FYTTD1: variants seen among roughly 807,000 people sequenced by gnomAD.
The protein encoded by FYTTD1 is UAP56-interacting factor.
In FYTTD1, 22 loss-of-function variants were observed where a neutral mutation model predicts 40.9. The ratio of observed to expected loss-of-function variants is 0.54; its 90% CI spans 0.38 to 0.77. The LOEUF is 0.77. Ranked by LOEUF, FYTTD1 falls within the 30% of genes least tolerant of loss-of-function variation. FYTTD1 has a pLI of 0.00. For missense variants in FYTTD1, 351 were observed against 392.2 expected, an observed-to-expected ratio of 0.90 and a Z score of 0.89; for synonymous variants, 140 against 137.9, an observed-to-expected ratio of 1.01 and a Z score of -0.10.
intron 2 of FYTTD1, among the ~76,000 whole-genome samples, chr3:197,758,102 C>T (rs1453261409): frequency 6.6e-6 from 1 of 152,020 alleles, no homozygotes; most frequent in Non-Finnish European, 1.5e-5. Context: ...AGGGTTTCTC[C>T]ACGTTGGTCA....
At chr3:197,777,708 T>C (rs1250608072) in intron 7 of FYTTD1, among the ~76,000 whole-genome samples, 3 of 152,108 alleles carry the variant, frequency 2.0e-5, no homozygotes, top group Non-Finnish European at 4.4e-5. Flanking sequence ...TTATGTTCTA[T>C]TCAACCATCT....
At chr3:197,756,702 T>TAAACA in intron 2 of FYTTD1, 145 bp downstream of exon 2, 1 of 722,954 alleles carries the variant, frequency 1.4e-6, no homozygotes, top group Non-Finnish European at 2.4e-6. Flanking sequence ...TGTTTAGATC[T>TAAACA]AAAACCTGGT....
intron 8 of FYTTD1, among the ~76,000 whole-genome samples, chr3:197,780,441 A>G (rs541668711): frequency 5.3e-5 from 8 of 152,328 alleles, no homozygotes; most frequent in African/African-American, 1.9e-4. Flanking sequence ...CTCCAGTCCA[A>G]TGTTGAGTAG....
At chr3:197,771,650 G>A (rs932354877) in intron 4 of FYTTD1, among the ~76,000 whole-genome samples, 4 of 151,424 alleles carry the variant, frequency 2.6e-5, no homozygotes, top group Admixed American at 6.6e-5. Context: ...GGTGGCGGGC[G>A]CCTGTAGTCC....
chr3:197,756,960 T>A (rs1261937841), intron 2 of FYTTD1, among the ~76,000 whole-genome samples: 2 of 152,238 alleles, frequency 1.3e-5, no homozygotes, highest in Non-Finnish European at 2.9e-5. Context: ...CATGAGCCAC[T>A]GTGCCTGGCC....
At chr3:197,767,441 A>AT (rs35419113) in intron 2 of FYTTD1, among the ~76,000 whole-genome samples, 23,098 of 145,006 alleles carry the variant, frequency 0.16, 1,905 homozygotes, top group South Asian at 0.2. Flanking sequence ...CCTGGCTGCT[A>AT]TTTTTTTTTT....
At chr3:197,752,624 C>T (rs1047627543) in intron 1 of FYTTD1, among the ~76,000 whole-genome samples, 1 of 151,128 alleles carries the variant, frequency 6.6e-6, no homozygotes. Context: ...ATGTCTATGG[C>T]TTGGTTATTT....
chr3:197,753,884 C>T (rs1483867773), intron 1 of FYTTD1, among the ~76,000 whole-genome samples: 1 of 152,110 alleles, frequency 6.6e-6, no homozygotes, highest in African/African-American at 2.4e-5. Context: ...GGACTACAGG[C>T]GCCCACCGCC....
At chr3:197,780,858 T>A (rs933451773) in intron 8 of FYTTD1, among the ~76,000 whole-genome samples, 1 of 151,930 alleles carries the variant, frequency 6.6e-6, no homozygotes, top group African/African-American at 2.4e-5. Context: ...TCTTTTTTTT[T>A]ATTTTTTATT....
intron 8 of FYTTD1, among the ~76,000 whole-genome samples, chr3:197,779,397 G>A (rs1279025344): frequency 1.3e-5 from 2 of 150,876 alleles, no homozygotes; most frequent in Non-Finnish European, 2.9e-5. Context: ...CTGGGCAACA[G>A]AGCAATACTA....
At chr3:197,763,350 G>C (rs560698088) in intron 2 of FYTTD1, 1 of 260,360 alleles carries the variant, frequency 3.8e-6, no homozygotes, top group Non-Finnish European at 7.7e-6. Flanking sequence ...GGAGGCGGAG[G>C]TTGCGGTGAG....
At chr3:197,771,592 A>T (rs967869290) in intron 4 of FYTTD1, among the ~76,000 whole-genome samples, 5 of 151,224 alleles carry the variant, frequency 3.3e-5, no homozygotes, top group Non-Finnish European at 7.4e-5. Context: ...CCGGCTAAAA[A>T]CGGTGAAACC....
At chr3:197,757,235 C>A (rs1406717901) in intron 2 of FYTTD1, among the ~76,000 whole-genome samples, 1 of 152,160 alleles carries the variant, frequency 6.6e-6, no homozygotes, top group Non-Finnish European at 1.5e-5. Context: ...TTATTTATAA[C>A]CATCTTGATT....
chr3:197,750,408 G>T (rs1728978916), intron 1 of FYTTD1: 1 of 1,051,186 alleles, frequency 9.5e-7, no homozygotes, highest in Non-Finnish European at 1.1e-6. Context: ...CCGCTCGCCG[G>T]CTCTTTGTGA....
intron 1 of FYTTD1, 130 bp downstream of exon 1, chr3:197,750,204 G>A: frequency 3.5e-6 from 3 of 866,650 alleles, no homozygotes; most frequent in Non-Finnish European, 3.3e-6. Context: ...GGGCGGACCC[G>A]AGCGGAGGCC....
At chr3:197,773,935 G>C (rs897481811) in intron 5 of FYTTD1, among the ~76,000 whole-genome samples, 1 of 140,870 alleles carries the variant, frequency 7.1e-6, no homozygotes, top group Non-Finnish European at 1.5e-5. Context: ...TCACGCACAC[G>C]CCCCACTGGG....
intron 3 of FYTTD1, among the ~76,000 whole-genome samples, chr3:197,769,818 A>G (rs190316086): frequency 1.6e-4 from 25 of 151,672 alleles, no homozygotes; most frequent in Non-Finnish European, 2.4e-4. Context: ...GCGATTCCCC[A>G]TCACCTGTGG....
intron 8 of FYTTD1, 124 bp from the exon 9 acceptor site, chr3:197,781,687 A>G (rs1730031641): frequency 9.4e-6 from 6 of 640,582 alleles, no homozygotes; most frequent in Non-Finnish European, 1.1e-5. Flanking sequence ...ATATTTAGGA[A>G]ATTTTAGCTG....
At chr3:197,760,466 G>T (rs1729348304) in intron 2 of FYTTD1, among the ~76,000 whole-genome samples, 1 of 148,402 alleles carries the variant, frequency 6.7e-6, no homozygotes, top group Non-Finnish European at 1.5e-5. Context: ...GGTCTTCACG[G>T]GTAGAATGTA....
Sources: allele counts gnomAD v4.1 joint callset (sites outside exome capture counted in the v4.1 genomes callset), GRCh38; gene constraint gnomAD v4.1.1; transcripts MANE v1.5; gene names NCBI Gene and HGNC (gene_info 2026-07-23, HGNC 2026-07-21).